Variants in ZNF473 observed in about 807,000 individuals in gnomAD.
ZNF473 encodes the protein zinc finger protein 473.
In ZNF473, 4 loss-of-function variants were observed where a neutral mutation model predicts 11.1. That is an observed-to-expected ratio of 0.36 (90% CI 0.18 to 0.82). The LOEUF (loss-of-function observed/expected upper bound fraction) is 0.82. Among genes scored for constraint, ZNF473 ranks in the 40% least tolerant of loss-of-function variants. ZNF473 has a pLI of 0.49. For missense variants in ZNF473, 854 were observed against 1,084.0 expected, an observed-to-expected ratio of 0.79 and a Z score of 2.98; for synonymous variants, 404 against 390.4, an observed-to-expected ratio of 1.03 and a Z score of -0.41.
Position 50,045,188 on chromosome 19 carries a change from A to C in ZNF473, c.745A>C (p.Asn249His). ...HQECEQGFDRNASLSVYPKTH... is the reference protein window; with the variant it reads ...HQECEQGFDRHASLSVYPKTH... ...AGAGTGTGAGCAAGGTTTTGACCGG[A>C]ATGCTTCCCTTTCTGTGTATCCGAA... The change falls in exon 5 of 5, where the codon AAT becomes CAT. Residue 249 changes from asparagine to histidine, a missense_variant. By Grantham distance (68) the Asn-to-His change is moderately conservative (BLOSUM62 1). Coordinates refer to ENST00000270617, the MANE Select transcript of ZNF473 (RefSeq NM_015428.4). 6.2e-7 allele frequency: 1 copy of C among 1,614,178 alleles called. No individual in the cohort carries two copies. Among genetic ancestry groups the C allele is most frequent in the Non-Finnish European group, 8.5e-7 (1 of 1,180,026 alleles).
chr19:50,036,619 C>T lies in ZNF473; in HGVS notation c.10-2542C>T, dbSNP rs368364903. On this transcript the variant is annotated intron_variant, in intron 2 of 4. Coordinates refer to ENST00000270617, the MANE Select transcript of ZNF473 (RefSeq NM_015428.4). ...GATTACAGGTTTGAGCCACTGCGCC[C>T]GGCCAAGGTGGGGCCTTTAAGAGAT... Among the ~76,000 whole-genome samples the T allele has an allele frequency of 4.9e-4, 74 of 151,120 alleles. 1 individual carries two copies. In the East Asian group the frequency reaches 0.011, roughly 23 times the overall value.
chr19:50,031,992 C>G (rs934557493), intron 2 of ZNF473, among the ~76,000 whole-genome samples: 1 of 151,966 alleles, frequency 6.6e-6, no homozygotes, highest in Non-Finnish European at 1.5e-5. Context: ...CCTCGTGTCT[C>G]TCCGTCAGAC....
At chr19:50,029,681 C>T (rs907383388) in intron 1 of ZNF473, among the ~76,000 whole-genome samples, 10 of 152,080 alleles carry the variant, frequency 6.6e-5, no homozygotes, top group Non-Finnish European at 5.9e-5. Flanking sequence ...TACAGTTTTG[C>T]GTATTATGGG....
In ZNF473 at chr19:50,046,611, T is replaced by C. The variant is rs1396370096; in HGVS notation, c.2168T>C (p.Ile723Thr). 8 of 1,614,124 alleles carry C rather than the reference T, an allele frequency of 5.0e-6. No homozygotes were observed. The highest frequency in any genetic ancestry group is 6.8e-6 in the Non-Finnish European group (8 of 1,180,056). ...TCATGCCTTTCTAAGCATCAGAGAATTCACTCAGGTGAGAAGCCCTATGTA... is the reference window on the plus strand; with the variant it reads ...TCATGCCTTTCTAAGCATCAGAGAACTCACTCAGGTGAGAAGCCCTATGTA... ...QSSCLSKHQR[I>T]HSGEKPYVCD... The change falls in exon 5 of 5, where the codon ATT (isoleucine) becomes ACT (threonine). Residue 723 changes from isoleucine to threonine, a missense_variant. Coordinates refer to ENST00000270617, the MANE Select transcript of ZNF473 (RefSeq NM_015428.4). This position sits in a 1 kb window ranked among gnomAD's most constrained non-coding sequence, Gnocchi z 5.9.
chr19:50,043,341 A>C (rs1978879613), intron 4 of ZNF473: 1 of 150,630 alleles, frequency 6.6e-6, no homozygotes, highest in African/African-American at 2.4e-5. Flanking sequence ...AGGCTGAGGC[A>C]GGAGAATCAC....
At chr19:50,037,803 ACT>A (rs139135026) in intron 2 of ZNF473, among the ~76,000 whole-genome samples, 7 of 148,636 alleles carry the variant, frequency 4.7e-5, no homozygotes, top group East Asian at 2.0e-4. Flanking sequence ...AGAGTGAGAC[ACT>A]CTCTCTCTCT....
At chr19:50,028,355 A>C (rs1568832001) in intron 1 of ZNF473, among the ~76,000 whole-genome samples, 1 of 151,286 alleles carries the variant, frequency 6.6e-6, no homozygotes, top group Non-Finnish European at 1.5e-5. Flanking sequence ...TTTCTCTGTC[A>C]TTCAGGCTGG....
At chr19:50,032,663 G>A (rs2077324049) in intron 2 of ZNF473, among the ~76,000 whole-genome samples, 1 of 152,164 alleles carries the variant, frequency 6.6e-6, no homozygotes, top group Non-Finnish European at 1.5e-5. Context: ...CTGTAACAAA[G>A]TACCACACAC....
intron 3 of ZNF473, chr19:50,040,523 C>G (rs1323978824): frequency 6.6e-6 from 1 of 152,330 alleles, no homozygotes; most frequent in Non-Finnish European, 1.5e-5. Flanking sequence ...GAAATCCAGC[C>G]TTGCCAGCAG....
intron 4 of ZNF473, chr19:50,042,615 T>C (rs1978837915): frequency 6.6e-6 from 1 of 152,276 alleles, no homozygotes. Context: ...TTTCCAAACA[T>C]AGGTAGCCAT....
rs1979119825 is a variant in ZNF473 at position 50,046,330 on chromosome 19, C to T, written c.1887C>T (p.Ser629=). 3.7e-6 allele frequency: 6 copies of T among 1,614,184 alleles called. No homozygotes were observed. The highest frequency in any genetic ancestry group is 5.1e-6 in the Non-Finnish European group (6 of 1,180,030). Residue 629 remains serine, a synonymous_variant, in exon 5 of 5, where the codon AGC becomes AGT. Transcript: ENST00000270617. This position sits in a 1 kb window ranked among gnomAD's most constrained non-coding sequence, Gnocchi z 5.9. ...GGGGTGAGCAAGGGAAAGCCATCAGCAGTGCCTCCCTTATCAAACTTCAGT... is the reference window on the plus strand; with the variant it reads ...GGGGTGAGCAAGGGAAAGCCATCAGTAGTGCCTCCCTTATCAAACTTCAGT... ...YKWGEQGKAI[S]SASLIKLQSF...
Position 50,045,666 on chromosome 19 carries a change from G to T in ZNF473, c.1223G>T (p.Arg408Leu). The T allele has an allele frequency of 6.2e-7, 1 of 1,614,058 alleles. No individual in the cohort carries two copies. Among genetic ancestry groups the T allele is most frequent in the South Asian group, 1.1e-5 (1 of 91,074 alleles). ...AGEEPYKCNE[R>L]GKSFRHNSTL... ...GAGGAGCCTTATAAGTGTAACGAAC[G>T]TGGGAAATCCTTCAGGCATAACTCT... Residue 408 changes from arginine to leucine, a missense_variant, in exon 5 of 5, where the codon CGT becomes CTT. By Grantham distance (102) the Arg-to-Leu change is moderately radical. Around this residue, in one of 2 missense-constraint regions of ZNF473, gnomAD observed 668 missense variants for 790.2 expected, o/e 0.85. Transcript: ENST00000270617.
chr19:50,032,152 G>C (rs926953018), intron 2 of ZNF473, among the ~76,000 whole-genome samples: 8 of 149,148 alleles, frequency 5.4e-5, no homozygotes, highest in Non-Finnish European at 8.9e-5. Context: ...CAAGGATCTA[G>C]TCTGCCCCGT....
At chr19:50,043,685 C>G (rs968384770) in intron 4 of ZNF473, among the ~76,000 whole-genome samples, 103 of 151,980 alleles carry the variant, frequency 6.8e-4, no homozygotes, top group African/African-American at 2.4e-3. Flanking sequence ...TGGAAGGTCC[C>G]CATTAAAGAA....
At chr19:50,026,202 G>C (rs1332793149) in intron 1 of ZNF473, 80 bp downstream of exon 1, 7 of 152,752 alleles carry the variant, frequency 4.6e-5, no homozygotes, top group Non-Finnish European at 1.0e-4. Flanking sequence ...GGGCGACTTC[G>C]GCAAAGGGTG....
chr19:50,035,030 G>T (rs10408370), intron 2 of ZNF473, among the ~76,000 whole-genome samples: 7,990 of 152,268 alleles, frequency 0.052, 691 homozygotes, highest in African/African-American at 0.18. Context: ...GGTGGCTCAT[G>T]CCTGTAATCC....
At chr19:50,031,200 C>A (rs545559897) in intron 2 of ZNF473, 109 bp downstream of exon 2, 1 of 1,431,492 alleles carries the variant, frequency 7.0e-7, no homozygotes, top group Admixed American at 2.0e-5. Flanking sequence ...ATTGGTCACC[C>A]CCATGGCAGG....
At chr19:50,026,975 G>A (rs1324163924) in intron 1 of ZNF473, among the ~76,000 whole-genome samples, 1 of 152,124 alleles carries the variant, frequency 6.6e-6, no homozygotes, top group Non-Finnish European at 1.5e-5. Flanking sequence ...GGAAGTTGAA[G>A]TACTTAACAT....
chr19:50,038,471 A>C (rs1978593366), intron 2 of ZNF473, among the ~76,000 whole-genome samples: 1 of 152,126 alleles, frequency 6.6e-6, no homozygotes, highest in South Asian at 2.1e-4. Flanking sequence ...GCTCACAGGA[A>C]ATGCGTGGCC....
Sources: allele counts gnomAD v4.1 joint callset (sites outside exome capture counted in the v4.1 genomes callset), GRCh38; gene constraint gnomAD v4.1.1; regional missense constraint gnomAD v4.1.1; non-coding constraint Gnocchi (gnomAD v3.1); transcripts MANE v1.5; gene names NCBI Gene and HGNC (gene_info 2026-07-23, HGNC 2026-07-21).